The following SDK1 variants were observed in gnomAD, a reference collection of about 807,000 sequenced individuals.
SDK1 encodes protein sidekick-1.
A neutral mutation model predicts 245.5 loss-of-function variants in SDK1; 157 were observed. The observed-to-expected ratio is 0.64, with a 90% CI of 0.56 to 0.73. The LOEUF (loss-of-function observed/expected upper bound fraction) is 0.73. SDK1 is among the 30% of genes least tolerant of loss of function. The pLI is 0.00. For missense variants in SDK1, 3,583 were observed against 3,002.3 expected (o/e 1.19, Z -4.52); for synonymous variants, 1,647 against 1,278.5 (o/e 1.29, Z -6.15).
In SDK1 at chr7:4,253,393, C is replaced by A. The variant is rs574128957; in HGVS notation, c.6381+7588C>A. 3.3e-5 allele frequency among the ~76,000 whole-genome samples: 5 copies of A among 152,046 alleles called. No homozygotes were observed. The East Asian group carries it at 7.7e-4, about 23-fold the overall frequency. ...TGTGTAATTTCTTCTTTGACACATTCGTTATTTAGGAGTGTGTTTTACATT... is the reference window on the plus strand; with the variant it reads ...TGTGTAATTTCTTCTTTGACACATTAGTTATTTAGGAGTGTGTTTTACATT... On this transcript the variant is annotated intron_variant, in intron 44 of 44. Coordinates refer to ENST00000404826, the MANE Select transcript of SDK1 (RefSeq NM_152744.4).
At chr7:4,261,320 G>A (rs947978011) in intron 44 of SDK1, among the ~76,000 whole-genome samples, 6 of 152,144 alleles carry the variant, frequency 3.9e-5, no homozygotes, top group African/African-American at 7.2e-5. Flanking sequence ...ACCCAGGGAC[G>A]CTTTTGTTTT....
chr7:3,890,841 T>A (rs759075035), intron 5 of SDK1, among the ~76,000 whole-genome samples: 1 of 151,912 alleles, frequency 6.6e-6, no homozygotes, highest in East Asian at 1.9e-4. Context: ...ACTTGGGAGG[T>A]TGAGGCAGGA....
chr7:3,640,994 T>C (rs1782632764), intron 3 of SDK1, among the ~76,000 whole-genome samples: 5 of 152,190 alleles, frequency 3.3e-5, no homozygotes, highest in Admixed American at 3.3e-4. Flanking sequence ...TAGATTTTTT[T>C]TTTTTAATCT....
At chr7:3,391,416 T>C (rs1477786855) in intron 1 of SDK1, among the ~76,000 whole-genome samples, 3 of 152,128 alleles carry the variant, frequency 2.0e-5, no homozygotes, top group African/African-American at 7.2e-5. Flanking sequence ...TGCCTCATCT[T>C]AAGGAATAGA....
chr7:3,587,672 ATCT>A (rs1359834509), intron 1 of SDK1, among the ~76,000 whole-genome samples: 2 of 152,204 alleles, frequency 1.3e-5, no homozygotes, highest in Non-Finnish European at 2.9e-5. Flanking sequence ...TCAGATGCTG[ATCT>A]TCTCCGGAAA....
chr7:3,750,628 C>G (rs1779747600), intron 4 of SDK1, among the ~76,000 whole-genome samples: 2 of 152,294 alleles, frequency 1.3e-5, no homozygotes, highest in African/African-American at 4.8e-5. Flanking sequence ...GGAAAATGAG[C>G]AAGAGGAAGC....
chr7:3,305,104 C>G (rs1362695190), intron 1 of SDK1, among the ~76,000 whole-genome samples: 2 of 152,150 alleles, frequency 1.3e-5, no homozygotes, highest in Non-Finnish European at 2.9e-5. Flanking sequence ...ACACCTGTTC[C>G]AGGTTCATGA....
At chr7:3,743,628 G>A (rs1267570609) in intron 4 of SDK1, among the ~76,000 whole-genome samples, 1 of 152,178 alleles carries the variant, frequency 6.6e-6, no homozygotes, top group East Asian at 1.9e-4. Flanking sequence ...AATTAAACTA[G>A]TAAGTATTTA....
intron 3 of SDK1, 133 bp from the exon 4 acceptor site, chr7:3,641,825 G>A (rs1214551939): frequency 1.3e-6 from 1 of 741,404 alleles, no homozygotes; most frequent in Admixed American, 2.8e-5. Context: ...CTGCCGTGCA[G>A]TCTCGCTCGT....
chr7:4,248,752 T>A (rs28617651), intron 44 of SDK1, among the ~76,000 whole-genome samples: 80,055 of 151,874 alleles, frequency 0.53, 22,717 homozygotes, highest in African/African-American at 0.72. Flanking sequence ...ATGCAAAAAT[T>A]TGCATGTGCA....
chr7:3,697,841 C>T (rs2115003183), intron 4 of SDK1, among the ~76,000 whole-genome samples: 1 of 152,296 alleles, frequency 6.6e-6, no homozygotes, highest in East Asian at 1.9e-4. Flanking sequence ...GGCCTCTTAA[C>T]TCGCACTTTC....
At chr7:3,766,949 A>G (rs993568783) in intron 4 of SDK1, among the ~76,000 whole-genome samples, 17 of 152,226 alleles carry the variant, frequency 1.1e-4, no homozygotes, top group African/African-American at 3.9e-4. Context: ...AGAAGTAGCA[A>G]TGTTATATAG....
intron 1 of SDK1, among the ~76,000 whole-genome samples, chr7:3,543,607 C>G (rs1405704474): frequency 6.6e-6 from 1 of 152,216 alleles, no homozygotes; most frequent in African/African-American, 2.4e-5. Context: ...CTGCTTACTT[C>G]TGAGAAAAAA....
intron 44 of SDK1, among the ~76,000 whole-genome samples, chr7:4,263,620 C>T (rs1375972792): frequency 4.5e-5 from 1 of 22,136 alleles, no homozygotes; most frequent in Non-Finnish European, 8.7e-5. Flanking sequence ...GGGGAGGCCG[C>T]GTAGACCTCT....
chr7:3,538,198 C>G (rs3946225), intron 1 of SDK1, among the ~76,000 whole-genome samples: 8 of 152,266 alleles, frequency 5.3e-5, no homozygotes, highest in Admixed American at 3.9e-4. Flanking sequence ...TTGGCAATTA[C>G]ATTGGCCATT....
At chr7:3,511,141 C>G (rs1345211800) in intron 1 of SDK1, among the ~76,000 whole-genome samples, 2 of 152,292 alleles carry the variant, frequency 1.3e-5, no homozygotes, top group East Asian at 3.9e-4. Flanking sequence ...AGAAAGGAAC[C>G]AAGGACGACT....
chr7:4,157,158 G>C (rs1188640008), intron 30 of SDK1, among the ~76,000 whole-genome samples: 3 of 152,100 alleles, frequency 2.0e-5, no homozygotes, highest in Non-Finnish European at 4.4e-5. Flanking sequence ...TCCCAGCATT[G>C]TCTGCACGGA....
chr7:4,254,159 C>G (rs890316094), intron 44 of SDK1, among the ~76,000 whole-genome samples: 5 of 151,960 alleles, frequency 3.3e-5, no homozygotes, highest in Non-Finnish European at 5.9e-5. Context: ...ATTTGGGAAA[C>G]TTTAAGTCAT....
intron 42 of SDK1, among the ~76,000 whole-genome samples, chr7:4,240,059 C>T (rs930473565): frequency 9.2e-5 from 14 of 152,184 alleles, no homozygotes; most frequent in Non-Finnish European, 1.9e-4. Context: ...AAATTCACTT[C>T]TAACAAGTGT....
Sources: gnomAD v4.1 joint callset for allele counts (sites outside exome capture counted in the v4.1 genomes callset) on GRCh38, gnomAD v4.1.1 for gene constraint, MANE v1.5 for transcripts, NCBI Gene and HGNC (gene_info 2026-07-23, HGNC 2026-07-21) for gene names.